Variants in EDIL3 observed in about 807,000 individuals in gnomAD.
EDIL3 encodes EGF-like repeat and discoidin I-like domain-containing protein 3.
Under a neutral mutation model 67.4 loss-of-function variants are expected in EDIL3, and 37 were observed. That is an observed-to-expected ratio of 0.55 (90% CI 0.42 to 0.72). The LOEUF is 0.72. EDIL3 is among the 30% of genes least tolerant of loss of function. EDIL3 has a pLI of 0.00. For synonymous variants in EDIL3, 195 were observed against 196.3 expected, an observed-to-expected ratio of 0.99 and a Z score of 0.05; for missense variants, 527 against 586.3, an observed-to-expected ratio of 0.90 and a Z score of 1.04.
At chr5:84,247,936 A>G (rs542148640) in intron 2 of EDIL3, among the ~76,000 whole-genome samples, 1 of 152,228 alleles carries the variant, frequency 6.6e-6, no homozygotes, top group East Asian at 1.9e-4. Context: ...CCAAGTGATA[A>G]TGAATCTTAT....
chr5:84,135,268 G>A (rs1748067562), intron 5 of EDIL3, among the ~76,000 whole-genome samples: 1 of 152,082 alleles, frequency 6.6e-6, no homozygotes. Context: ...AGGAAAATGG[G>A]AAGGCTTCTC....
intron 1 of EDIL3, among the ~76,000 whole-genome samples, chr5:84,295,011 C>T (rs1176787124): frequency 6.6e-6 from 1 of 152,064 alleles, no homozygotes; most frequent in Admixed American, 6.6e-5. Context: ...CAGCAAAGTG[C>T]AAGTTTTCTG....
chr5:84,067,567 A>C (rs1025287835), intron 6 of EDIL3, among the ~76,000 whole-genome samples: 3 of 152,248 alleles, frequency 2.0e-5, no homozygotes, highest in Non-Finnish European at 4.4e-5. Context: ...ATACCATAAT[A>C]TTAAGTTAAT....
At chr5:84,308,384 A>C (rs1405101708) in intron 1 of EDIL3, among the ~76,000 whole-genome samples, 1 of 152,226 alleles carries the variant, frequency 6.6e-6, no homozygotes, top group Non-Finnish European at 1.5e-5. Context: ...TTTGTAGGAA[A>C]GACTGTAAAC....
intron 1 of EDIL3, among the ~76,000 whole-genome samples, chr5:84,333,715 G>A (rs941939657): frequency 1.1e-4 from 16 of 152,168 alleles, no homozygotes; most frequent in East Asian, 9.6e-4. Context: ...ATATGAGTAC[G>A]TTCTATTTCC....
intron 4 of EDIL3, among the ~76,000 whole-genome samples, chr5:84,167,142 T>C (rs1034019083): frequency 6.6e-6 from 1 of 152,028 alleles, no homozygotes; most frequent in African/African-American, 2.4e-5. Context: ...TGGGAGCAAG[T>C]GTAGAGTCAG....
chr5:84,298,240 T>G (rs12187022), intron 1 of EDIL3, among the ~76,000 whole-genome samples: 13,387 of 152,104 alleles, frequency 0.088, 772 homozygotes, highest in South Asian at 0.2. Context: ...CAAATGCCCA[T>G]CAATGATAGA....
intron 9 of EDIL3, among the ~76,000 whole-genome samples, chr5:83,972,639 C>A (rs562221929): frequency 6.6e-6 from 1 of 152,162 alleles, no homozygotes; most frequent in Non-Finnish European, 1.5e-5. Flanking sequence ...TTTGAAAAAA[C>A]TCAACCAGGC....
intron 9 of EDIL3, among the ~76,000 whole-genome samples, chr5:83,971,771 A>T (rs1043977975): frequency 6.6e-6 from 1 of 151,992 alleles, no homozygotes; most frequent in African/African-American, 2.4e-5. Flanking sequence ...CTTACCATCT[A>T]TCAAGCAGTT....
intron 6 of EDIL3, among the ~76,000 whole-genome samples, chr5:84,094,499 A>G (rs1715510771): frequency 6.6e-6 from 1 of 151,854 alleles, no homozygotes; most frequent in Non-Finnish European, 1.5e-5. Flanking sequence ...TGTAACTAGA[A>G]AAAAGGCTGA....
chr5:84,030,656 T>C (rs997534276), intron 9 of EDIL3, among the ~76,000 whole-genome samples: 2 of 152,184 alleles, frequency 1.3e-5, no homozygotes, highest in African/African-American at 4.8e-5. Flanking sequence ...ATTTTCAGAA[T>C]TGGTATCCTA....
chr5:84,333,215 T>C (rs1013175293), intron 1 of EDIL3, among the ~76,000 whole-genome samples: 1 of 152,150 alleles, frequency 6.6e-6, no homozygotes, highest in Non-Finnish European at 1.5e-5. Flanking sequence ...AAAAATTGAA[T>C]AGTGAAATAA....
In EDIL3 at chr5:83,945,521, T is replaced by G. The variant is rs137938107; in HGVS notation, c.1294-1953A>C. On this transcript the variant is annotated intron_variant, in intron 10 of 10. Coordinates refer to ENST00000296591, the MANE Select transcript of EDIL3 (RefSeq NM_005711.5). Reference sequence around the variant, plus strand: ...TTGCAAGATTTATAACAGCCCGAAATATAGTTTTATACCACTTCTTGGGAA... The same window carrying G: ...TTGCAAGATTTATAACAGCCCGAAAGATAGTTTTATACCACTTCTTGGGAA... Among the ~76,000 whole-genome samples the G allele has an allele frequency of 5.1e-3, 775 of 152,086 alleles. 6 individuals carry two copies. Among genetic ancestry groups the G allele is most frequent in the Non-Finnish European group, 4.7e-3 (321 of 67,930 alleles).
intron 3 of EDIL3, among the ~76,000 whole-genome samples, chr5:84,216,381 T>G (rs1300896418): frequency 2.6e-5 from 4 of 152,242 alleles, no homozygotes; most frequent in African/African-American, 7.2e-5. Flanking sequence ...GAATGTACAA[T>G]TTTATAATAT....
chr5:84,007,052 TA>T (rs1486926102), intron 9 of EDIL3, among the ~76,000 whole-genome samples: 2 of 152,044 alleles, frequency 1.3e-5, no homozygotes, highest in Non-Finnish European at 2.9e-5. Flanking sequence ...GTGTTTTTAA[TA>T]AATGATGCTT....
intron 4 of EDIL3, among the ~76,000 whole-genome samples, chr5:84,154,030 C>T (rs1196412086): frequency 6.6e-6 from 1 of 152,138 alleles, no homozygotes; most frequent in Non-Finnish European, 1.5e-5. Flanking sequence ...CTGAAGTCAG[C>T]TCCCTGTGTG....
intron 5 of EDIL3, among the ~76,000 whole-genome samples, chr5:84,132,078 CA>C (rs890494519): frequency 3.4e-5 from 5 of 148,534 alleles, no homozygotes; most frequent in Admixed American, 2.7e-4. Context: ...ACTAAAAATA[CA>C]AAAAAAATAG....
At chr5:84,195,631 G>C (rs560539712) in intron 3 of EDIL3, among the ~76,000 whole-genome samples, 16 of 152,108 alleles carry the variant, frequency 1.1e-4, no homozygotes, top group African/African-American at 3.9e-4. Flanking sequence ...CATTCTGATA[G>C]TTTCTACAGA....
At chr5:84,027,225 G>A (rs1007755817) in intron 9 of EDIL3, among the ~76,000 whole-genome samples, 12 of 152,200 alleles carry the variant, frequency 7.9e-5, no homozygotes, top group African/African-American at 2.9e-4. Flanking sequence ...AACAGCATGT[G>A]TCGCTTACTA....
Sources: gnomAD v4.1 joint callset for allele counts (sites outside exome capture counted in the v4.1 genomes callset) on GRCh38, gnomAD v4.1.1 for gene constraint, MANE v1.5 for transcripts, NCBI Gene and HGNC (gene_info 2026-07-23, HGNC 2026-07-21) for gene names.